The following PCDH15 variants were observed in gnomAD, a reference collection of about 807,000 sequenced individuals.
The protein encoded by PCDH15 is protocadherin related 15, also known as protocadherin-15.
A neutral mutation model predicts 178.5 loss-of-function variants in PCDH15; 129 were observed. The observed-to-expected ratio is 0.72, with a 90% confidence interval of 0.63 to 0.84. PCDH15 has a LOEUF of 0.84. Among genes scored for constraint, PCDH15 ranks in the 40% least tolerant of loss-of-function variants. The pLI is 0.00. For missense variants in PCDH15, 2,230 were observed against 2,099.9 expected (o/e 1.06, Z -1.21); for synonymous variants, 800 against 732.0 (o/e 1.09, Z -1.50).
intron 1 of PCDH15, among the ~76,000 whole-genome samples, chr10:55,193,159 G>A (rs553164186): frequency 6.6e-6 from 1 of 151,734 alleles, no homozygotes; most frequent in South Asian, 2.1e-4. Context: ...TGTCATGCAG[G>A]AATTTTTCCC....
At chr10:54,393,813 T>C (rs989442329) in intron 3 of PCDH15, among the ~76,000 whole-genome samples, 2 of 152,130 alleles carry the variant, frequency 1.3e-5, no homozygotes, top group South Asian at 2.1e-4. Flanking sequence ...AATGGCACAA[T>C]TGTTAAGTTT....
At chr10:54,205,448 T>C (rs1324936990) in intron 10 of PCDH15, among the ~76,000 whole-genome samples, 1 of 149,232 alleles carries the variant, frequency 6.7e-6, no homozygotes, top group African/African-American at 2.5e-5. Flanking sequence ...AAAGCAACAG[T>C]AATTGGTAAC....
intron 15 of PCDH15, among the ~76,000 whole-genome samples, chr10:54,097,051 CAT>C (rs10617310): frequency 0.023 from 3,539 of 152,188 alleles, 143 homozygotes; most frequent in African/African-American, 0.08. Context: ...AATGACTTCT[CAT>C]TATTTCTGGA....
chr10:53,971,035 T>C (rs1589692701), intron 21 of PCDH15, among the ~76,000 whole-genome samples: 1 of 152,188 alleles, frequency 6.6e-6, no homozygotes, highest in East Asian at 1.9e-4. Context: ...GTGAAAATCC[T>C]AAACAAAATA....
intron 1 of PCDH15, among the ~76,000 whole-genome samples, chr10:54,747,866 C>A (rs1010578121): frequency 7.0e-6 from 1 of 142,414 alleles, no homozygotes; most frequent in Non-Finnish European, 1.5e-5. Flanking sequence ...AGTGCAGTGG[C>A]GTGATCTCCG....
At chr10:55,385,693 C>A (rs1588975178) in intron 2 of PCDH15, among the ~76,000 whole-genome samples, 2 of 128,764 alleles carry the variant, frequency 1.6e-5, no homozygotes, top group African/African-American at 2.9e-5. Context: ...CTTCCTCTGC[C>A]TATATATATA....
intron 8 of PCDH15, among the ~76,000 whole-genome samples, chr10:54,288,054 T>G (rs2059147873): frequency 6.6e-6 from 1 of 152,114 alleles, no homozygotes; most frequent in African/African-American, 2.4e-5. Flanking sequence ...CCAGGTGTGG[T>G]GGCTCATGCC....
intron 11 of PCDH15, among the ~76,000 whole-genome samples, chr10:54,194,501 A>G (rs1382386026): frequency 6.6e-6 from 1 of 152,166 alleles, no homozygotes; most frequent in African/African-American, 2.4e-5. Context: ...TAAGGGAGAA[A>G]TGAATGAATC....
At chr10:54,723,549 T>G (rs1327495080) in intron 1 of PCDH15, among the ~76,000 whole-genome samples, 1 of 151,504 alleles carries the variant, frequency 6.6e-6, no homozygotes. Flanking sequence ...GACAAATGGG[T>G]CTTAATTAAA....
rs1205261156 is a variant in PCDH15 at position 54,090,026 on chromosome 10, A to G, written c.1955T>C (p.Ile652Thr). The G allele has an allele frequency of 6.2e-7, 1 of 1,612,630 alleles. No individual in the cohort carries two copies. The highest frequency in any genetic ancestry group is 8.5e-7 in the Non-Finnish European group (1 of 1,178,978). ...DREGDSITYA[I>T]ENGDPQRVFN... ...AACTCTCTGAGGATCTCCATTCTCA[A>G]TGGCATATGTTATTGAGTCTCCCTC... Residue 652 changes from isoleucine to threonine, a missense_variant, in exon 16 of 38, where the codon ATT becomes ACT. By Grantham distance (89) the Ile-to-Thr change is moderately conservative. Coordinates refer to ENST00000644397, the MANE Select transcript of PCDH15 (RefSeq NM_001384140.1).
intron 3 of PCDH15, among the ~76,000 whole-genome samples, chr10:54,450,251 G>A (rs1015931650): frequency 4.0e-5 from 6 of 149,646 alleles, no homozygotes; most frequent in South Asian, 2.1e-4. Context: ...CCATTAACTC[G>A]TCATTTACAT....
intron 2 of PCDH15, among the ~76,000 whole-genome samples, chr10:55,040,814 A>G (rs2131976713): frequency 6.6e-6 from 1 of 152,028 alleles, no homozygotes; most frequent in Non-Finnish European, 1.5e-5. Flanking sequence ...TAATTTCTCT[A>G]TCTAGTTCTA....
intron 2 of PCDH15, among the ~76,000 whole-genome samples, chr10:55,507,142 AT>A (rs1455374618): frequency 5.3e-5 from 8 of 151,666 alleles, no homozygotes; most frequent in South Asian, 2.1e-4. Context: ...TATAAAAAAA[AT>A]CTCACTCAAC....
intron 21 of PCDH15, among the ~76,000 whole-genome samples, chr10:53,973,033 A>AACAAACCC (rs1181468262): frequency 2.6e-5 from 4 of 152,152 alleles, no homozygotes; most frequent in Non-Finnish European, 5.9e-5. Flanking sequence ...AAAGACTTTG[A>AACAAACCC]ACAAACCCAA....
intron 7 of PCDH15, among the ~76,000 whole-genome samples, chr10:54,327,224 C>A (rs889475152): frequency 1.3e-5 from 2 of 151,798 alleles, no homozygotes; most frequent in Non-Finnish European, 2.9e-5. Context: ...CCTTCCACAG[C>A]AATCTGACTT....
chr10:54,718,213 T>A (rs1219493946), intron 1 of PCDH15, among the ~76,000 whole-genome samples: 1 of 151,124 alleles, frequency 6.6e-6, no homozygotes, highest in Non-Finnish European at 1.5e-5. Flanking sequence ...TATACATAGG[T>A]AACTAACCTG....
At chr10:54,537,946 A>G (rs1214135562) in intron 2 of PCDH15, among the ~76,000 whole-genome samples, 2 of 151,932 alleles carry the variant, frequency 1.3e-5, no homozygotes, top group Non-Finnish European at 2.9e-5. Context: ...TCTTTTGCCA[A>G]TTTTTCAATG....
intron 2 of PCDH15, among the ~76,000 whole-genome samples, chr10:55,545,271 CTTT>C (rs35082183): frequency 2.8e-5 from 4 of 141,014 alleles, no homozygotes; most frequent in Admixed American, 7.1e-5. Context: ...TGCTCAGTTC[CTTT>C]TTTTTTTTTT....
At chr10:55,040,563 G>T (rs907259701) in intron 2 of PCDH15, among the ~76,000 whole-genome samples, 44 of 152,090 alleles carry the variant, frequency 2.9e-4, no homozygotes, top group Non-Finnish European at 4.6e-4. Flanking sequence ...AAAGGAATTA[G>T]CATTCTATAT....
Sources: gnomAD v4.1 joint callset for allele counts (sites outside exome capture counted in the v4.1 genomes callset) on GRCh38, gnomAD v4.1.1 for gene constraint, MANE v1.5 for transcripts, NCBI Gene and HGNC (gene_info 2026-07-23, HGNC 2026-07-21) for gene names.